CCBE1: variants seen among roughly 807,000 people sequenced by gnomAD.
CCBE1 encodes the protein collagen and calcium-binding EGF domain-containing protein 1.
A neutral mutation model predicts 50.0 loss-of-function variants in CCBE1; 37 were observed. That is an observed-to-expected ratio of 0.74 (90% confidence interval 0.57 to 0.97). CCBE1 has a LOEUF of 0.97. CCBE1 is among the 50% of genes least tolerant of loss of function. The pLI, the probability that CCBE1 is intolerant of heterozygous loss-of-function variation, is 0.00. For synonymous variants in CCBE1, 234 were observed against 203.7 expected (o/e 1.15, Z -1.27); for missense variants, 538 against 523.8 (o/e 1.03, Z -0.26).
chr18:59,466,903 C>A lies in CCBE1; in HGVS notation c.401-12G>T. The A allele has an allele frequency of 1.2e-6, 2 of 1,609,662 alleles. No individual in the cohort carries two copies. Among genetic ancestry groups the A allele is most frequent in the South Asian group, 2.2e-5 (2 of 90,980 alleles). On this transcript the variant is annotated splice_polypyrimidine_tract_variant and intron_variant, in intron 4 of 10. Transcript: ENST00000439986. ...ACACTCATCAATATCTGGTTTGAAC[C>A]AAATGTAGAGAATACTAAGTTTCTG...
At chr18:59,482,826 G>A (rs1465405722) in intron 2 of CCBE1, among the ~76,000 whole-genome samples, 1 of 138,878 alleles carries the variant, frequency 7.2e-6, no homozygotes, top group Non-Finnish European at 1.6e-5. Flanking sequence ...GCTTACAGTG[G>A]ATCTGCAAAT....
chr18:59,654,786 G>A (rs1208512256), intron 2 of CCBE1, among the ~76,000 whole-genome samples: 7 of 101,910 alleles, frequency 6.9e-5, no homozygotes, highest in African/African-American at 1.4e-4. Flanking sequence ...GTGAGACTCC[G>A]TCTCCAAAAA....
intron 2 of CCBE1, among the ~76,000 whole-genome samples, chr18:59,683,441 A>T (rs1407566042): frequency 6.6e-6 from 1 of 152,216 alleles, no homozygotes. Context: ...CACGCCTGTA[A>T]TCCCAGCACT....
intron 2 of CCBE1, among the ~76,000 whole-genome samples, chr18:59,648,373 C>G (rs2054083481): frequency 6.6e-6 from 1 of 152,190 alleles, no homozygotes. Context: ...ACAGACTAAC[C>G]TCAGTTTCTG....
At chr18:59,673,279 T>C (rs2054458514) in intron 2 of CCBE1, among the ~76,000 whole-genome samples, 1 of 152,128 alleles carries the variant, frequency 6.6e-6, no homozygotes, top group African/African-American at 2.4e-5. Flanking sequence ...GGCATAACCC[T>C]GTCTCTACTA....
intron 2 of CCBE1, among the ~76,000 whole-genome samples, chr18:59,667,965 G>A (rs1251775152): frequency 2.0e-5 from 3 of 152,058 alleles, no homozygotes; most frequent in Non-Finnish European, 4.4e-5. Flanking sequence ...ATCACACACC[G>A]GGACCTATCG....
chr18:59,457,836 T>C (rs1374258003), intron 5 of CCBE1, among the ~76,000 whole-genome samples: 14 of 152,234 alleles, frequency 9.2e-5, no homozygotes, highest in Admixed American at 9.2e-4. Context: ...GCTTGAATAC[T>C]CCTGAGAACC....
chr18:59,472,533 G>A (rs1912080721), intron 3 of CCBE1, among the ~76,000 whole-genome samples: 1 of 152,130 alleles, frequency 6.6e-6, no homozygotes, highest in Admixed American at 6.5e-5. Context: ...CTCTAATTAG[G>A]ACTCTGTAGG....
intron 2 of CCBE1, among the ~76,000 whole-genome samples, chr18:59,514,092 T>C (rs908551169): frequency 6.6e-6 from 1 of 152,206 alleles, no homozygotes; most frequent in Non-Finnish European, 1.5e-5. Context: ...ACCATATGCC[T>C]ATCGCAAATT....
chr18:59,611,999 G>A (rs2144584608), intron 2 of CCBE1, among the ~76,000 whole-genome samples: 1 of 152,238 alleles, frequency 6.6e-6, no homozygotes, highest in South Asian at 2.1e-4. Flanking sequence ...GCTGGGCTTG[G>A]CATGACTATA....
In CCBE1 at chr18:59,479,754, C is replaced by T. The variant is rs147349293; in HGVS notation, c.265+432G>A. On this transcript the variant is annotated intron_variant, in intron 3 of 10. Transcript: ENST00000439986. ...GTCCCCGCCTTACTTTGCTCTGTATCTCTATCTGAGTGCTGGGTTGAACAC... is the reference window on the plus strand; with the variant it reads ...GTCCCCGCCTTACTTTGCTCTGTATTTCTATCTGAGTGCTGGGTTGAACAC... Among the ~76,000 whole-genome samples, 31 of 152,296 alleles carry T rather than the reference C, an allele frequency of 2.0e-4. No individual in the cohort carries two copies. In the East Asian group the frequency reaches 6.0e-3, roughly 29 times the overall value.
At chr18:59,516,109 C>CCA (rs953141318) in intron 2 of CCBE1, among the ~76,000 whole-genome samples, 3 of 152,110 alleles carry the variant, frequency 2.0e-5, no homozygotes, top group African/African-American at 7.2e-5. Context: ...CATGCATGTC[C>CCA]CACCACGCCC....
rs373350200 is a variant in CCBE1 at position 59,436,150 on chromosome 18, A to G, written c.988-9T>C. 3 of 1,613,140 alleles carry G rather than the reference A, an allele frequency of 1.9e-6. No individual in the cohort carries two copies. Among genetic ancestry groups the G allele is most frequent in the Non-Finnish European group, 2.5e-6 (3 of 1,179,164 alleles). On this transcript the variant is annotated splice_polypyrimidine_tract_variant and intron_variant, in intron 10 of 10. Transcript: ENST00000439986. ...AAAGAACCAGGGGGTCCCTGTGTAC[A>G]TGGGAGGAATCAAAGCTAGAATACG...
At chr18:59,478,292 G>A (rs945303480) in intron 3 of CCBE1, among the ~76,000 whole-genome samples, 2 of 151,998 alleles carry the variant, frequency 1.3e-5, no homozygotes, top group Non-Finnish European at 2.9e-5. Context: ...ATAGAAAATC[G>A]AAATCAAAAT....
chr18:59,671,340 A>G (rs551758438), intron 2 of CCBE1, among the ~76,000 whole-genome samples: 1 of 152,018 alleles, frequency 6.6e-6, no homozygotes, highest in African/African-American at 2.4e-5. Flanking sequence ...CATCTCTACA[A>G]AAAAGACAAA....
rs150191892 is a variant in CCBE1, at chr18:59,560,689, G to A, written c.213-80451C>T. On this transcript the variant is annotated intron_variant, in intron 2 of 10. Transcript: ENST00000439986. ...TTCATGAGTAACCACTCCCTGGACT[G>A]GAAAAGCAGTTAGTAACTGCATATG... 8.5e-5 allele frequency among the ~76,000 whole-genome samples: 13 copies of A among 152,314 alleles called. 1 individual carries two copies. The East Asian group carries it at 2.5e-3, about 29-fold the overall frequency.
At chr18:59,512,220 T>C (rs9961829) in intron 2 of CCBE1, among the ~76,000 whole-genome samples, 103,085 of 152,172 alleles carry the variant, frequency 0.68, 36,042 homozygotes, top group East Asian at 0.96. Context: ...TAGGGCTCCA[T>C]CCCTGGGCCT....
chr18:59,582,673 C>A (rs961050485), intron 2 of CCBE1, among the ~76,000 whole-genome samples: 2 of 152,174 alleles, frequency 1.3e-5, no homozygotes, highest in Non-Finnish European at 2.9e-5. Context: ...AGCCACCCCC[C>A]AGTCCACACC....
chr18:59,587,387 CAT>C lies in CCBE1; in HGVS notation c.213-107151_213-107150del, dbSNP rs541012276. On this transcript the variant is annotated intron_variant, in intron 2 of 10. Coordinates refer to ENST00000439986, the MANE Select transcript of CCBE1 (RefSeq NM_133459.4). ...CCTCAACAGACTGCAGAAGAAAAAT[CAT>C]AATCATCTCAACAGGTACCAAAAAG... 8.9e-3 allele frequency among the ~76,000 whole-genome samples: 1,350 copies of C among 152,262 alleles called. 18 individuals carry two copies. The highest frequency in any genetic ancestry group is 0.03 in the African/African-American group (1,258 of 41,548).
Sources: allele counts gnomAD v4.1 joint callset (sites outside exome capture counted in the v4.1 genomes callset), GRCh38; gene constraint gnomAD v4.1.1; transcripts MANE v1.5; gene names NCBI Gene and HGNC (gene_info 2026-07-23, HGNC 2026-07-21).